Variants in ENTREP2 observed in about 807,000 individuals in gnomAD.
The protein encoded by ENTREP2 is protein ENTREP2.
the ENTREP2 span, among the ~76,000 whole-genome samples, chr15:29,288,734 A>G: frequency 1.3e-5 from 2 of 152,154 alleles, no homozygotes; most frequent in Non-Finnish European, 2.9e-5. Context: ...TCTAGGCTTG[A>G]GTAAGTACTC....
chr15:29,587,062 A>G, the ENTREP2 span, among the ~76,000 whole-genome samples: 5 of 152,210 alleles, frequency 3.3e-5, no homozygotes, highest in South Asian at 1.0e-3. Flanking sequence ...TAGGTTACAT[A>G]CAGAACTCTG....
chr15:29,450,455 A>C, the ENTREP2 span, among the ~76,000 whole-genome samples: 1 of 152,188 alleles, frequency 6.6e-6, no homozygotes, highest in African/African-American at 2.4e-5. Flanking sequence ...ATGGTTAGCC[A>C]GCTATCCCGG....
chr15:29,603,542 C>T, the ENTREP2 span, among the ~76,000 whole-genome samples: 6 of 152,104 alleles, frequency 3.9e-5, no homozygotes, highest in Non-Finnish European at 8.8e-5. Context: ...GAGTGCTCTT[C>T]GGGGGCAAGA....
the ENTREP2 span, among the ~76,000 whole-genome samples, chr15:29,241,565 C>T: frequency 6.6e-6 from 1 of 152,134 alleles, no homozygotes; most frequent in Non-Finnish European, 1.5e-5. Flanking sequence ...ATTACTATTT[C>T]ATTTCATATT....
the ENTREP2 span, among the ~76,000 whole-genome samples, chr15:29,472,017 C>T: frequency 4.1e-4 from 63 of 152,234 alleles, no homozygotes; most frequent in Middle Eastern, 6.8e-3. Context: ...CAGCAGCACG[C>T]GGTGGGGGCC....
chr15:29,504,203 C>A, the ENTREP2 span, among the ~76,000 whole-genome samples: 1 of 152,110 alleles, frequency 6.6e-6, no homozygotes, highest in African/African-American at 2.4e-5. Flanking sequence ...CCTATGCACC[C>A]CTGCAGCATG....
the ENTREP2 span, among the ~76,000 whole-genome samples, chr15:29,433,053 C>G: frequency 1.3e-5 from 2 of 152,180 alleles, no homozygotes; most frequent in African/African-American, 4.8e-5. Context: ...AACTGAATCC[C>G]AGCACAAACA....
At chr15:29,234,630 C>A in the ENTREP2 span, 1 of 1,559,808 alleles carries the variant, frequency 6.4e-7, no homozygotes. Flanking sequence ...ATGCGTGTAT[C>A]AAACCACCTA....
the ENTREP2 span, among the ~76,000 whole-genome samples, chr15:29,328,207 A>G: frequency 6.6e-6 from 1 of 152,244 alleles, no homozygotes; most frequent in Non-Finnish European, 1.5e-5. Flanking sequence ...CATAATTCCA[A>G]TGACATGGCA....
chr15:29,235,164 G>A, the ENTREP2 span: 3 of 754,694 alleles, frequency 4.0e-6, no homozygotes, highest in Admixed American at 6.2e-5. Flanking sequence ...GGTGGGAGGG[G>A]AGACCCTACC....
the ENTREP2 span, among the ~76,000 whole-genome samples, chr15:29,566,799 T>C: frequency 6.6e-6 from 1 of 150,880 alleles, no homozygotes; most frequent in Non-Finnish European, 1.5e-5. Context: ...ATATATTAAT[T>C]TCAGAGTATG....
the ENTREP2 span, among the ~76,000 whole-genome samples, chr15:29,652,506 G>A: frequency 6.6e-6 from 1 of 152,234 alleles, no homozygotes; most frequent in Non-Finnish European, 1.5e-5. Flanking sequence ...TCTCCACATT[G>A]CAGGTGAAGA....
At chr15:29,458,128 G>A in the ENTREP2 span, among the ~76,000 whole-genome samples, 6 of 152,234 alleles carry the variant, frequency 3.9e-5, no homozygotes, top group Middle Eastern at 3.4e-3. Context: ...CTAGCATGTC[G>A]GTCAGTCTGA....
the ENTREP2 span, among the ~76,000 whole-genome samples, chr15:29,534,423 C>A: frequency 9.2e-5 from 14 of 152,244 alleles, no homozygotes; most frequent in Admixed American, 3.9e-4. Flanking sequence ...TATACCCCTC[C>A]TGGTTCTGAA....
the ENTREP2 span, among the ~76,000 whole-genome samples, chr15:29,414,720 T>C: frequency 6.6e-6 from 1 of 152,126 alleles, no homozygotes; most frequent in African/African-American, 2.4e-5. Flanking sequence ...GCTGGTTTTC[T>C]GAAAAGATCA....
the ENTREP2 span, among the ~76,000 whole-genome samples, chr15:29,256,117 T>C: frequency 6.6e-6 from 1 of 152,096 alleles, no homozygotes; most frequent in East Asian, 1.9e-4. Context: ...TTCTCACTTA[T>C]AGGGTAGGAG....
At chr15:29,464,624 C>T in the ENTREP2 span, among the ~76,000 whole-genome samples, 1 of 152,118 alleles carries the variant, frequency 6.6e-6, no homozygotes, top group Non-Finnish European at 1.5e-5. Context: ...ATGAGATTGG[C>T]ATATTAGAGA....
At chr15:29,656,805 T>C in the ENTREP2 span, among the ~76,000 whole-genome samples, 1 of 152,196 alleles carries the variant, frequency 6.6e-6, no homozygotes, top group Non-Finnish European at 1.5e-5. Flanking sequence ...CTTCTAAAGT[T>C]AAGCATGTAC....
At chr15:29,282,817 C>T in the ENTREP2 span, among the ~76,000 whole-genome samples, 45 of 152,164 alleles carry the variant, frequency 3.0e-4, no homozygotes, top group African/African-American at 1.1e-3. Context: ...TCCAAGTCTG[C>T]CCTTTAACCG....
Sources: gnomAD v4.1 joint callset for allele counts (sites outside exome capture counted in the v4.1 genomes callset) on GRCh38, gnomAD v4.1.1 for gene constraint, MANE v1.5 for transcripts, NCBI Gene and HGNC (gene_info 2026-07-23, HGNC 2026-07-21) for gene names.